The following FSIP2 variants were observed in gnomAD, a reference collection of about 807,000 sequenced individuals.
FSIP2 encodes fibrous sheath-interacting protein 2.
In FSIP2, 367 loss-of-function variants were observed where a neutral mutation model predicts 510.5. The ratio of observed to expected loss-of-function variants is 0.72; its 90% CI spans 0.66 to 0.78. FSIP2 has a LOEUF of 0.78. Ranked by LOEUF, FSIP2 falls within the 30% of genes least tolerant of loss-of-function variation. FSIP2 has a pLI of 0.00. For missense variants in FSIP2, 7,594 were observed against 7,901.7 expected (o/e 0.96, Z 1.48); for synonymous variants, 2,601 against 2,732.2 (o/e 0.95, Z 1.50).
chr2:185,768,984 G>C (rs780141276), intron 13 of FSIP2, among the ~76,000 whole-genome samples: 1 of 152,118 alleles, frequency 6.6e-6, no homozygotes, highest in Non-Finnish European at 1.5e-5. Context: ...TGGCTGCATA[G>C]TATTCTATGG....
Position 185,833,219 on chromosome 2 carries a change from A to G in FSIP2, c.20717A>G (p.Glu6906Gly), listed in dbSNP as rs975920210. 6.2e-7 allele frequency: 1 copy of G among 1,606,596 alleles called. No individual in the cohort carries two copies. The highest frequency in any genetic ancestry group is 8.5e-7 in the Non-Finnish European group (1 of 1,176,792). Residue 6906 changes from glutamate (E) to glycine (G), a missense_variant, in exon 23 of 23, where the codon GAA (glutamate) becomes GGA (glycine). By Grantham distance (98) the Glu-to-Gly change is moderately conservative (BLOSUM62 -2). Transcript: ENST00000424728. ...SRSSSPAHQD[E>G]H ...TCTTCCTCACCAGCTCACCAGGATG[A>G]ACACTGAAGCTTTTGTACCTGATAT... is the stretch of plus-strand genomic sequence containing the variant.
chr2:185,833,122 T>C lies in FSIP2; in HGVS notation c.20620T>C (p.Ser6874Pro), dbSNP rs1363824057. The C allele has an allele frequency of 2.5e-6, 4 of 1,610,702 alleles. No individual in the cohort carries two copies. Among genetic ancestry groups the C allele is most frequent in the Non-Finnish European group, 3.4e-6 (4 of 1,177,890 alleles). The part of the protein sequence containing the change: ...TPKPDVSKQG[S>P]KMLTKMSSTL... ...CAAGCCCGATGTCTCCAAACAAGGA[T>C]CTAAAATGCTGACAAAAATGTCTTC... The change falls in exon 23 of 23, where the codon TCT becomes CCT. Residue 6874 changes from serine to proline, a missense_variant. Coordinates refer to ENST00000424728, the MANE Select transcript of FSIP2 (RefSeq NM_173651.4).
At chr2:185,825,188 T>C (rs540697998) in intron 20 of FSIP2, among the ~76,000 whole-genome samples, 1 of 151,982 alleles carries the variant, frequency 6.6e-6, no homozygotes, top group Non-Finnish European at 1.5e-5. Flanking sequence ...AGATAATCCA[T>C]AAAATAGCAT....
At chr2:185,821,212 A>G (rs1693913564) in intron 19 of FSIP2, among the ~76,000 whole-genome samples, 1 of 151,854 alleles carries the variant, frequency 6.6e-6, no homozygotes, top group Non-Finnish European at 1.5e-5. Flanking sequence ...GAAATGGATA[A>G]ATTCCTAGAA....
At position 185,803,735 on chromosome 2, in the gene FSIP2, C is replaced by G; in HGVS notation, c.14429C>G (p.Thr4810Ser). The change falls in exon 17 of 23, where the codon ACC becomes AGC. Residue 4810 changes from threonine (T) to serine (S), a missense_variant. Coordinates refer to ENST00000424728, the MANE Select transcript of FSIP2 (RefSeq NM_173651.4). ...ACATCTCAGATAAGTCCATTGAACACCAGTGCAGAGCAGTCAGATACTACT... is the reference window on the plus strand; with the variant it reads ...ACATCTCAGATAAGTCCATTGAACAGCAGTGCAGAGCAGTCAGATACTACT... ...QLTSQISPLN[T>S]SAEQSDTTKS... is the part of the protein sequence containing the mutation. 1 of 1,532,784 alleles carries G rather than the reference C, an allele frequency of 6.5e-7. No individual in the cohort carries two copies. Among genetic ancestry groups the G allele is most frequent in the Non-Finnish European group, 8.7e-7 (1 of 1,144,762 alleles). 94.9% of individuals were successfully genotyped at this position (1,532,784 alleles called of 1,614,324 possible).
In FSIP2 at chr2:185,795,337, A is replaced by G; in HGVS notation, c.8201A>G (p.Glu2734Gly). 1 of 1,534,948 alleles carries G rather than the reference A, an allele frequency of 6.5e-7. No homozygotes were observed. ...CTGGACACAAAATTGCCCACTTCAG[A>G]ACTAAAAATATATGCCAAGGATATA... is the stretch of plus-strand genomic sequence containing the variant. Reference protein sequence around the residue: ...NLLDTKLPTSELKIYAKDIII... With the variant: ...NLLDTKLPTSGLKIYAKDIII... The change falls in exon 16 of 23, where the codon GAA becomes GGA. Residue 2734 changes from glutamate (E) to glycine (G), a missense_variant. Coordinates refer to ENST00000424728, the MANE Select transcript of FSIP2 (RefSeq NM_173651.4).
Position 185,809,132 on chromosome 2 carries a change from AG to A in FSIP2, c.19827+1del. 1 of 1,550,374 alleles carries A rather than the reference AG, an allele frequency of 6.5e-7. No individual in the cohort carries two copies. Among genetic ancestry groups the A allele is most frequent in the Non-Finnish European group, 8.6e-7 (1 of 1,156,144 alleles). ...KTGRLDVKPLEAVARNSFQNI... is the reference protein window; with the variant it reads ...KTGRLDVKPLXAVARNSFQNI... Reference sequence around the variant, plus strand: ...GGAAGACTGGATGTAAAACCCCTAGAGGTAAGTGCAAAAGCAATGGCATGAA... The same window carrying A: ...GGAAGACTGGATGTAAAACCCCTAGAGTAAGTGCAAAAGCAATGGCATGAA... On this transcript the variant is annotated frameshift_variant and splice_region_variant, in exon 17 of 23. Coordinates refer to ENST00000424728, the MANE Select transcript of FSIP2 (RefSeq NM_173651.4). LOFTEE classifies it high-confidence loss of function.
At chr2:185,813,422 G>T in intron 17 of FSIP2, 123 bp from the exon 18 acceptor site, 1 of 487,524 alleles carries the variant, frequency 2.1e-6, no homozygotes, top group Non-Finnish European at 3.5e-6. Flanking sequence ...ATAATTAAGT[G>T]ATATTTGAAG....
At chr2:185,772,568 A>T (rs6434142) in intron 13 of FSIP2, among the ~76,000 whole-genome samples, 1 of 151,996 alleles carries the variant, frequency 6.6e-6, no homozygotes, top group Admixed American at 6.6e-5. Context: ...ATGTGAACTC[A>T]GCACAAGAAC....
In FSIP2 at chr2:185,806,984, T is replaced by C. The variant is rs1693597133; in HGVS notation, c.17678T>C (p.Met5893Thr). The C allele has an allele frequency of 5.6e-6, 9 of 1,608,160 alleles. No homozygotes were observed. The highest frequency in any genetic ancestry group is 7.6e-6 in the Non-Finnish European group (9 of 1,177,948). ...KIKSADKMPP[M>T]HKMMRKPSSD... ...AAATCTGCAGATAAAATGCCACCTATGCATAAAATGATGAGAAAACCTTCT... is the reference window on the plus strand; with the variant it reads ...AAATCTGCAGATAAAATGCCACCTACGCATAAAATGATGAGAAAACCTTCT... The change falls in exon 17 of 23, where the codon ATG becomes ACG. Residue 5893 changes from methionine to threonine, a missense_variant. Met to Thr is a moderately conservative substitution (Grantham distance 81). Coordinates refer to ENST00000424728, the MANE Select transcript of FSIP2 (RefSeq NM_173651.4).
At chr2:185,741,956 G>A (rs1489971216) in intron 2 of FSIP2, among the ~76,000 whole-genome samples, 4 of 152,142 alleles carry the variant, frequency 2.6e-5, no homozygotes, top group African/African-American at 9.7e-5. Context: ...TGGAAACAGA[G>A]GACCCAAATT....
chr2:185,781,470 A>C (rs1019488067), intron 13 of FSIP2, among the ~76,000 whole-genome samples: 13 of 152,202 alleles, frequency 8.5e-5, no homozygotes, highest in African/African-American at 3.1e-4. Context: ...CCCCACTGTA[A>C]GTCAAGAAGC....
Position 185,804,032 on chromosome 2 carries a change from A to T in FSIP2, c.14726A>T (p.Gln4909Leu). The stretch of plus-strand genomic sequence containing the variant: ...AAAGAAATCTTTAACCATCATATTC[A>T]ATCATTTTTATCTGAAGATAAAACT... ...IIKEIFNHHI[Q>L]SFLSEDKTLL... The change falls in exon 17 of 23, where the codon CAA (glutamine) becomes CTA (leucine). Residue 4909 changes from glutamine to leucine, a missense_variant. By Grantham distance (113) the Gln-to-Leu change is moderately radical. Transcript: ENST00000424728. 6.6e-7 allele frequency: 1 copy of T among 1,507,036 alleles called. No homozygotes were observed. 93.4% of individuals were successfully genotyped at this position (1,507,036 alleles called of 1,614,324 possible).
At position 185,801,073 on chromosome 2, in the gene FSIP2, A is replaced by G; in HGVS notation, c.11767A>G (p.Ser3923Gly). ...TVSLNNPSVV[S>G]SKIQAPFNKH... is the part of the protein sequence containing the mutation. The stretch of plus-strand genomic sequence containing the variant: ...ATCCCTGAATAATCCCAGTGTGGTT[A>G]GCTCCAAAATACAAGCACCATTTAA... The change falls in exon 17 of 23, where the codon AGC becomes GGC. Residue 3923 changes from serine to glycine, a missense_variant. Coordinates refer to ENST00000424728, the MANE Select transcript of FSIP2 (RefSeq NM_173651.4). 6.5e-7 allele frequency: 1 copy of G among 1,532,302 alleles called. No homozygotes were observed. The allele number at this position is 1,532,302 out of a possible 1,614,324, so 94.9% of individuals were successfully genotyped here. A position where few individuals can be genotyped will look rare whatever the true frequency, so the allele number is the denominator to read the frequency against.
At chr2:185,780,659 T>C (rs932177103) in intron 13 of FSIP2, among the ~76,000 whole-genome samples, 14 of 152,036 alleles carry the variant, frequency 9.2e-5, no homozygotes, top group African/African-American at 3.4e-4. Context: ...CTAATTTTAA[T>C]ATATTGTTTT....
At position 185,791,262 on chromosome 2, in the gene FSIP2, A is replaced by T; in HGVS notation, c.4126A>T (p.Ile1376Phe). ...AAGTGAAAATGCACATCAAAGAAGC[A>T]TTTCACTCTCTTCTCGTAAGCCAAA... ...LSSENAHQRS[I>F]SLSSRKPKSA... The change falls in exon 16 of 23, where the codon ATT becomes TTT. Residue 1376 changes from isoleucine to phenylalanine, a missense_variant. By Grantham distance (21) the Ile-to-Phe change is conservative. Coordinates refer to ENST00000424728, the MANE Select transcript of FSIP2 (RefSeq NM_173651.4). The T allele has an allele frequency of 6.5e-7, 1 of 1,534,016 alleles. No homozygotes were observed. The highest frequency in any genetic ancestry group is 8.7e-7 in the Non-Finnish European group (1 of 1,145,478).
At position 185,764,562 on chromosome 2, in the gene FSIP2, T is replaced by G; in HGVS notation, c.1408T>G (p.Ser470Ala). The change falls in exon 13 of 23, where the codon TCA becomes GCA. Residue 470 changes from serine (S) to alanine (A), a missense_variant. Coordinates refer to ENST00000424728, the MANE Select transcript of FSIP2 (RefSeq NM_173651.4). ...PTKRSSYLCE[S>A]GPQAHATDPG... ...CAAGAGATCAAGCTATCTCTGCGAA[T>G]CAGGTAAATATCAGCAGTAATTATT... The G allele has an allele frequency of 6.6e-7, 1 of 1,517,896 alleles. No homozygotes were observed. Among genetic ancestry groups the G allele is most frequent in the Non-Finnish European group, 8.8e-7 (1 of 1,131,598 alleles). The allele number at this position is 1,517,896 out of a possible 1,614,324, so 94.0% of individuals were successfully genotyped here.
chr2:185,802,864 C>A lies in FSIP2; in HGVS notation c.13558C>A (p.His4520Asn). ...TGATATTAGGATGAAAGTTTCCCAACATGAAATTCGATTTTCAAAAGAGGA... is the reference window on the plus strand; with the variant it reads ...TGATATTAGGATGAAAGTTTCCCAAAATGAAATTCGATTTTCAAAAGAGGA... The part of the protein sequence containing the change: ...VSDIRMKVSQ[H>N]EIRFSKEEEE... Residue 4520 changes from histidine (H) to asparagine (N), a missense_variant, in exon 17 of 23, where the codon CAT becomes AAT. Coordinates refer to ENST00000424728, the MANE Select transcript of FSIP2 (RefSeq NM_173651.4). The A allele has an allele frequency of 6.7e-7, 1 of 1,500,754 alleles. No individual in the cohort carries two copies. The highest frequency in any genetic ancestry group is 8.8e-7 in the Non-Finnish European group (1 of 1,133,934). The allele number at this position is 1,500,754 out of a possible 1,614,324, so 93.0% of individuals were successfully genotyped here.
intron 13 of FSIP2, among the ~76,000 whole-genome samples, chr2:185,768,951 G>A (rs1414115153): frequency 6.6e-6 from 1 of 152,104 alleles, no homozygotes; most frequent in African/African-American, 2.4e-5. Flanking sequence ...TTCCTGCAAA[G>A]GACATGATCT....
Sources: allele counts gnomAD v4.1 joint callset (sites outside exome capture counted in the v4.1 genomes callset), GRCh38; gene constraint gnomAD v4.1.1; transcripts MANE v1.5; gene names NCBI Gene and HGNC (gene_info 2026-07-23, HGNC 2026-07-21).